Variants in NDST1 observed in about 807,000 individuals in gnomAD.
NDST1 encodes the protein N-deacetylase and N-sulfotransferase 1.
NDST1 carries 35 observed loss-of-function variants against 92.8 expected under a neutral mutation model. The ratio of observed to expected loss-of-function variants is 0.38; its 90% confidence interval spans 0.29 to 0.50. The LOEUF (loss-of-function observed/expected upper bound fraction) is 0.50, where lower values mean the gene tolerates loss of function less well. Among genes scored for constraint, NDST1 ranks in the 20% least tolerant of loss-of-function variants. The probability of loss-of-function intolerance (pLI) is 0.94; values close to 1 mark genes in which losing one functional copy is unlikely to be tolerated. For synonymous variants in NDST1, 493 were observed against 500.3 expected (o/e 0.99, Z 0.19); for missense variants, 822 against 1,182.7 (o/e 0.69, Z 4.47).
intron 1 of NDST1, among the ~76,000 whole-genome samples, chr5:150,510,943 A>G (rs1753693868): frequency 6.6e-6 from 1 of 152,226 alleles, no homozygotes; most frequent in Admixed American, 6.5e-5. Context: ...CATCTGGCAA[A>G]TGTTAGCTGT....
chr5:150,506,623 C>T (rs531735223), upstream of NDST1, among the ~76,000 whole-genome samples: 2 of 152,276 alleles, frequency 1.3e-5, no homozygotes, highest in South Asian at 2.1e-4. Context: ...TTTTGCTCCA[C>T]GTTTCTGTTC....
At chr5:150,498,829 C>T (rs900715870) in intron 1 of NDST1, among the ~76,000 whole-genome samples, 1 of 152,184 alleles carries the variant, frequency 6.6e-6, no homozygotes, top group African/African-American at 2.4e-5. Context: ...TACCTGGGGA[C>T]AGCACTAAAC....
rs973926101 is a variant in NDST1, at chr5:150,521,380, G to A, written c.126G>A (p.Lys42=). Residue 42 remains lysine (K), a synonymous_variant, in exon 2 of 15, where the codon AAG becomes AAA. Coordinates refer to ENST00000261797, the MANE Select transcript of NDST1 (RefSeq NM_001543.5). The surrounding 1 kb of genome is among the most constrained non-coding windows in gnomAD (Gnocchi z 5.9). ...FISAYYLYGW[K]RGLEPSADAP... The stretch of plus-strand genomic sequence containing the variant: ...CGGCCTACTACCTATATGGCTGGAA[G>A]CGAGGCCTGGAGCCCTCGGCGGATG... 6.2e-7 allele frequency: 1 copy of A among 1,613,510 alleles called. No individual in the cohort carries two copies. Among genetic ancestry groups the A allele is most frequent in the South Asian group, 1.1e-5 (1 of 91,088 alleles).
intron 2 of NDST1, 24 bp from the exon 3 acceptor site, chr5:150,527,780 C>T (rs1417938388): frequency 1.9e-6 from 3 of 1,612,120 alleles, no homozygotes; most frequent in Non-Finnish European, 2.5e-6. Context: ...TTCTGTTCCC[C>T]TTCCTGCCCT....
At chr5:150,524,035 A>G (rs945639083) in intron 2 of NDST1, among the ~76,000 whole-genome samples, 2 of 152,218 alleles carry the variant, frequency 1.3e-5, no homozygotes, top group African/African-American at 4.8e-5. Flanking sequence ...TGTGGGCTCC[A>G]GGGATCTGAA....
intron 10 of NDST1, among the ~76,000 whole-genome samples, chr5:150,543,931 C>A (rs1412307279): frequency 6.6e-6 from 1 of 152,172 alleles, no homozygotes; most frequent in Non-Finnish European, 1.5e-5. Flanking sequence ...AGGTGCCCGC[C>A]ACCATGCCTG....
At position 150,551,736 on chromosome 5, in the gene NDST1, CTT is replaced by C; in HGVS notation, c.2427-15_2427-14del. 6.2e-7 allele frequency: 1 copy of C among 1,611,594 alleles called. No individual in the cohort carries two copies. Among genetic ancestry groups the C allele is most frequent in the South Asian group, 1.1e-5 (1 of 90,952 alleles). The stretch of plus-strand genomic sequence containing the variant: ...GGCTGAGCCAGCTCCCATCCAAAGA[CTT>C]TCCCACCTCCACAGGTTTGATCCAA... On this transcript the variant is annotated splice_polypyrimidine_tract_variant and intron_variant, in intron 13 of 14. Transcript: ENST00000261797.
rs1755854314 is a variant in NDST1 at position 150,555,682 on chromosome 5, A to C, written c.*2350A>C. ...GGGCTGCGGGATGGGTGAGGATCTT[A>C]CAGCTCCCAGGTTCGGAAATCTACC... On this transcript the variant is annotated 3_prime_UTR_variant, in exon 15 of 15. Coordinates refer to ENST00000261797, the MANE Select transcript of NDST1 (RefSeq NM_001543.5). 6.6e-6 allele frequency: 1 copy of C among 152,230 alleles called. No individual in the cohort carries two copies. Among genetic ancestry groups the C allele is most frequent in the South Asian group, 2.1e-4 (1 of 4,830 alleles). 9.4% of individuals were successfully genotyped at this position (152,230 alleles called of 1,614,324 possible).
At position 150,521,495 on chromosome 5, in the gene NDST1, A is replaced by G. The variant is rs771478008; in HGVS notation, c.241A>G (p.Thr81Ala). 1.3e-5 allele frequency: 21 copies of G among 1,613,704 alleles called. No homozygotes were observed. Among genetic ancestry groups the G allele is most frequent in the Non-Finnish European group, 1.7e-5 (20 of 1,179,990 alleles). ...TGTGCAGGCAGCCACCCCTTCCCGC[A>G]CAGACCCGTTGGTGCTGGTCTTTGT... Reference protein sequence around the residue: ...KPVQAATPSRTDPLVLVFVES... With the variant: ...KPVQAATPSRADPLVLVFVES... The change falls in exon 2 of 15, where the codon ACA becomes GCA. Residue 81 changes from threonine to alanine, a missense_variant. Transcript: ENST00000261797. This position sits in a 1 kb window ranked among gnomAD's most constrained non-coding sequence, Gnocchi z 5.9.
intron 12 of NDST1, among the ~76,000 whole-genome samples, chr5:150,549,435 G>A (rs1228159929): frequency 6.6e-6 from 1 of 152,194 alleles, no homozygotes; most frequent in Non-Finnish European, 1.5e-5. Context: ...GGGCAGGCAG[G>A]GTTTGGTGAG....
intron 12 of NDST1, among the ~76,000 whole-genome samples, chr5:150,548,779 C>T (rs907392528): frequency 3.3e-5 from 5 of 152,086 alleles, no homozygotes; most frequent in African/African-American, 1.2e-4. Context: ...AGCAGTCCTC[C>T]CTTGGTCTTC....
intron 3 of NDST1, among the ~76,000 whole-genome samples, chr5:150,531,951 T>C (rs766092630): frequency 2.6e-5 from 4 of 152,148 alleles, no homozygotes; most frequent in Non-Finnish European, 4.4e-5. Flanking sequence ...GGGCACACAG[T>C]GTCCCATCCT....
At position 150,556,941 on chromosome 5, in the gene NDST1, T is replaced by C. The variant is rs1755882343; in HGVS notation, c.*3609T>C. The C allele has an allele frequency of 6.5e-6, 1 of 152,682 alleles. No individual in the cohort carries two copies. The highest frequency in any genetic ancestry group is 1.5e-5 in the Non-Finnish European group (1 of 68,050). The allele number at this position is 152,682 out of a possible 1,614,324, so 9.5% of individuals were successfully genotyped here. ...CACTTTGAGTTTTTAAATGACATTG[T>C]TTTTGAGGCCCTAGGCCTGCTGTCT... On this transcript the variant is annotated 3_prime_UTR_variant, in exon 15 of 15. Coordinates refer to ENST00000261797, the MANE Select transcript of NDST1 (RefSeq NM_001543.5).
At chr5:150,520,626 C>T (rs1025666254) in intron 1 of NDST1, among the ~76,000 whole-genome samples, 3 of 152,188 alleles carry the variant, frequency 2.0e-5, no homozygotes, top group Non-Finnish European at 2.9e-5. Flanking sequence ...CGTTTACAAA[C>T]GTTGTTGGAC....
chr5:150,521,854 GT>G lies in NDST1; in HGVS notation c.513+88del. 6.4e-7 allele frequency: 1 copy of G among 1,554,398 alleles called. No homozygotes were observed. The highest frequency in any genetic ancestry group is 1.4e-5 in the African/African-American group (1 of 74,048). ...TCTCATTTGTGAAATAGGTGTAATG[GT>G]AGCACCCGCCTCCTGGGGTTGTTGG... On this transcript the variant is annotated intron_variant, in intron 2 of 14. Transcript: ENST00000261797. The surrounding 1 kb of genome is among the most constrained non-coding windows in gnomAD (Gnocchi z 5.9).
At chr5:150,543,376 G>A (rs1329959398) in intron 10 of NDST1, among the ~76,000 whole-genome samples, 2 of 152,142 alleles carry the variant, frequency 1.3e-5, no homozygotes, top group Non-Finnish European at 1.5e-5. Flanking sequence ...GGGACAGGTC[G>A]CTGGTCTTTG....
intron 1 of NDST1, among the ~76,000 whole-genome samples, chr5:150,512,257 G>A (rs1753762390): frequency 1.3e-5 from 2 of 152,166 alleles, no homozygotes; most frequent in Admixed American, 1.3e-4. Context: ...TGTTGGGGGG[G>A]CAGGGAGCAG....
intron 6 of NDST1, among the ~76,000 whole-genome samples, chr5:150,536,518 A>G (rs1286073892): frequency 6.6e-6 from 1 of 151,142 alleles, no homozygotes; most frequent in African/African-American, 2.4e-5. Flanking sequence ...AAAAAAAAAA[A>G]ATTTTTTTTT....
At position 150,557,397 on chromosome 5, in the gene NDST1, G is replaced by C. The variant is rs1318629604; in HGVS notation, c.*4065G>C. 6.6e-6 allele frequency: 1 copy of C among 152,652 alleles called. No individual in the cohort carries two copies. Among genetic ancestry groups the C allele is most frequent in the Non-Finnish European group, 1.5e-5 (1 of 68,070 alleles). The allele number at this position is 152,652 out of a possible 1,614,324, so 9.5% of individuals were successfully genotyped here. A position where few individuals can be genotyped will look rare whatever the true frequency, so the allele number is the denominator to read the frequency against. Reference sequence around the variant, plus strand: ...GGAGACCCGTGGTCTGTGTGCACTGGAGCAGAGCCAGGCTCTCAGTTGCAG... The same window carrying C: ...GGAGACCCGTGGTCTGTGTGCACTGCAGCAGAGCCAGGCTCTCAGTTGCAG... On this transcript the variant is annotated 3_prime_UTR_variant, in exon 15 of 15. Transcript: ENST00000261797. The surrounding 1 kb of genome is among the most constrained non-coding windows in gnomAD (Gnocchi z 4.7).
Sources: gnomAD v4.1 joint callset for allele counts (sites outside exome capture counted in the v4.1 genomes callset) on GRCh38, gnomAD v4.1.1 for gene constraint, Gnocchi (gnomAD v3.1) non-coding constraint, MANE v1.5 for transcripts, NCBI Gene and HGNC (gene_info 2026-07-23, HGNC 2026-07-21) for gene names.